The following ARHGEF26 variants were observed in gnomAD, a reference collection of about 807,000 sequenced individuals.
ARHGEF26 encodes the protein Rho guanine nucleotide exchange factor 26, also known as Rho guanine nucleotide exchange factor (GEF) 26.
Under a neutral mutation model 89.4 loss-of-function variants are expected in ARHGEF26, and 59 were observed. That is an observed-to-expected ratio of 0.66 (90% confidence interval 0.54 to 0.82). The LOEUF is 0.82. Ranked by LOEUF, ARHGEF26 falls within the 40% of genes least tolerant of loss-of-function variation. The pLI is 0.00. For synonymous variants in ARHGEF26, 500 were observed against 428.4 expected (o/e 1.17, Z -2.06); for missense variants, 1,234 against 1,085.6 (o/e 1.14, Z -1.92).
intron 6 of ARHGEF26, among the ~76,000 whole-genome samples, chr3:154,164,590 A>T (rs2108124713): frequency 6.6e-6 from 1 of 152,262 alleles, no homozygotes; most frequent in Admixed American, 6.5e-5. Context: ...GGGGATTCAA[A>T]CAAAGGTCCC....
intron 4 of ARHGEF26, among the ~76,000 whole-genome samples, chr3:154,136,414 C>T (rs893929210): frequency 6.6e-6 from 1 of 152,116 alleles, no homozygotes; most frequent in African/African-American, 2.4e-5. Flanking sequence ...GTTCTGGGCT[C>T]AGCTCTTAAA....
Position 154,219,721 on chromosome 3 carries a change from G to T in ARHGEF26, c.1935+1763G>T, listed in dbSNP as rs564423292. On this transcript the variant is annotated intron_variant, in intron 10 of 14. Transcript: ENST00000465093. ...GAGGTCAGGAGATCGAGACCATCCT[G>T]GCTAACACAGTGAAACCCCTTTTCT... 9.1e-4 allele frequency among the ~76,000 whole-genome samples: 139 copies of T among 151,936 alleles called. 5 individuals are homozygous for T. The South Asian group carries it at 0.028, about 31-fold the overall frequency.
chr3:154,194,606 T>A, intron 8 of ARHGEF26, 38 bp from the exon 9 acceptor site: 1 of 1,440,782 alleles, frequency 6.9e-7, no homozygotes, highest in South Asian at 1.2e-5. Flanking sequence ...CTTAATAAAA[T>A]AGATCAATAA....
rs769136924 is a variant in ARHGEF26, at chr3:154,240,588, A to G, written c.2300+9A>G. 2.7e-5 allele frequency: 43 copies of G among 1,595,706 alleles called. No homozygotes were observed. Among genetic ancestry groups the G allele is most frequent in the Non-Finnish European group, 3.5e-5 (41 of 1,170,692 alleles). ...CTAGGAGCTGAGACGCAGTAAGTAT[A>G]TGTGGGGAAAAGATTGGAATAGCTG... is the stretch of plus-strand genomic sequence containing the variant. On this transcript the variant is annotated intron_variant, in intron 12 of 14. Coordinates refer to ENST00000465093, the MANE Select transcript of ARHGEF26 (RefSeq NM_015595.4).
chr3:154,207,253 A>T (rs978955968), intron 9 of ARHGEF26, among the ~76,000 whole-genome samples: 9 of 152,202 alleles, frequency 5.9e-5, no homozygotes, highest in Admixed American at 5.9e-4. Flanking sequence ...AAATTGACAA[A>T]TGAGATCTAA....
At chr3:154,196,422 T>TCC (rs1467517330) in intron 9 of ARHGEF26, among the ~76,000 whole-genome samples, 1 of 152,114 alleles carries the variant, frequency 6.6e-6, no homozygotes, top group Non-Finnish European at 1.5e-5. Context: ...CCTAAATGTC[T>TCC]CCAGTTACAT....
At chr3:154,178,981 A>G (rs1206022070) in intron 6 of ARHGEF26, among the ~76,000 whole-genome samples, 1 of 152,152 alleles carries the variant, frequency 6.6e-6, no homozygotes, top group African/African-American at 2.4e-5. Flanking sequence ...AAACTCTCTA[A>G]TAGGGCATTT....
intron 5 of ARHGEF26, 34 bp downstream of exon 5, chr3:154,149,479 T>C: frequency 6.3e-7 from 1 of 1,577,854 alleles, no homozygotes; most frequent in South Asian, 1.2e-5. Context: ...TTTAGAGCTC[T>C]GGAGTGTGCA....
chr3:154,257,520 A>G lies in ARHGEF26; in HGVS notation c.*2047A>G, dbSNP rs1052127326. 1 of 152,250 alleles carries G rather than the reference A, an allele frequency of 6.6e-6. No individual in the cohort carries two copies. The allele number at this position is 152,250 out of a possible 1,614,324, so 9.4% of individuals were successfully genotyped here. ...GCAACTATTTGAATCCTGTGAATTA[A>G]TTTATAAGAATGTTAAACAGCTTTG... On this transcript the variant is annotated 3_prime_UTR_variant, in exon 15 of 15. Coordinates refer to ENST00000465093, the MANE Select transcript of ARHGEF26 (RefSeq NM_015595.4).
chr3:154,209,257 T>A (rs1257604968), intron 9 of ARHGEF26, among the ~76,000 whole-genome samples: 4 of 152,188 alleles, frequency 2.6e-5, no homozygotes, highest in Non-Finnish European at 4.4e-5. Context: ...CCAGGATTGG[T>A]CCCTGGTTCC....
At position 154,255,365 on chromosome 3, in the gene ARHGEF26, A is replaced by C; in HGVS notation, c.2508A>C (p.Glu836Asp). 6.2e-7 allele frequency: 1 copy of C among 1,613,654 alleles called. No homozygotes were observed. Among genetic ancestry groups the C allele is most frequent in the Non-Finnish European group, 8.5e-7 (1 of 1,179,834 alleles). The part of the protein sequence containing the change: ...WYEGERLRDG[E>D]RGWFPMECAK... Reference sequence around the variant, plus strand: ...AGGGGGAACGACTACGAGATGGAGAAAGAGGCTGGTTTCCTATGGAATGTG... The same window carrying C: ...AGGGGGAACGACTACGAGATGGAGACAGAGGCTGGTTTCCTATGGAATGTG... Residue 836 changes from glutamate to aspartate, a missense_variant, in exon 15 of 15, where the codon GAA becomes GAC. Transcript: ENST00000465093.
chr3:154,194,616 A>C lies in ARHGEF26; in HGVS notation c.1771-28A>C, dbSNP rs763743277. On this transcript the variant is annotated intron_variant, in intron 8 of 14. Transcript: ENST00000465093. Reference sequence around the variant, plus strand: ...TTTTACTTAATAAAATAGATCAATAAATTTTGTTCACTTTTATTTCATTAC... The same window carrying C: ...TTTTACTTAATAAAATAGATCAATACATTTTGTTCACTTTTATTTCATTAC... 12 of 1,520,914 alleles carry C rather than the reference A, an allele frequency of 7.9e-6. No homozygotes were observed. The Admixed American group carries it at 1.8e-4, about 23-fold the overall frequency. The allele number at this position is 1,520,914 out of a possible 1,614,324, so 94.2% of individuals were successfully genotyped here. A position where few individuals can be genotyped will look rare whatever the true frequency, so the allele number is the denominator to read the frequency against.
chr3:154,246,793 A>G (rs1404720422), intron 12 of ARHGEF26, among the ~76,000 whole-genome samples: 1 of 152,212 alleles, frequency 6.6e-6, no homozygotes, highest in Non-Finnish European at 1.5e-5. Context: ...CAAAAACAAC[A>G]GGACCAACTG....
chr3:154,230,864 G>A (rs992576500), intron 11 of ARHGEF26, among the ~76,000 whole-genome samples: 8 of 151,928 alleles, frequency 5.3e-5, no homozygotes, highest in African/African-American at 1.9e-4. Context: ...ATAAGGTCAA[G>A]GACTTAAGTT....
At chr3:154,244,963 C>T (rs1717708959) in intron 12 of ARHGEF26, among the ~76,000 whole-genome samples, 1 of 152,148 alleles carries the variant, frequency 6.6e-6, no homozygotes, top group Non-Finnish European at 1.5e-5. Context: ...TCCAGGAAGT[C>T]AGTCGCTATT....
At chr3:154,124,873 T>C (rs1307711391) in intron 3 of ARHGEF26, among the ~76,000 whole-genome samples, 1 of 152,190 alleles carries the variant, frequency 6.6e-6, no homozygotes, top group Non-Finnish European at 1.5e-5. Context: ...TCTGACTTCC[T>C]GTTTCCTTAT....
At position 154,217,906 on chromosome 3, in the gene ARHGEF26, A is replaced by G; in HGVS notation, c.1883A>G (p.Glu628Gly). ...TGCAATGAGGGCGCCCGGAAGATGGAAAGGACTGAGATGATGTACACAATT... is the reference window on the plus strand; with the variant it reads ...TGCAATGAGGGCGCCCGGAAGATGGGAAGGACTGAGATGATGTACACAATT... ...RLCNEGARKM[E>G]RTEMMYTINS... Residue 628 changes from glutamate to glycine, a missense_variant, in exon 10 of 15, where the codon GAA (glutamate) becomes GGA (glycine). Physicochemically the swap from Glu to Gly is moderately conservative, Grantham distance 98. Coordinates refer to ENST00000465093, the MANE Select transcript of ARHGEF26 (RefSeq NM_015595.4). 6.2e-7 allele frequency: 1 copy of G among 1,603,130 alleles called. No homozygotes were observed.
chr3:154,189,853 T>C (rs1005821680), intron 7 of ARHGEF26, among the ~76,000 whole-genome samples: 2 of 151,838 alleles, frequency 1.3e-5, no homozygotes, highest in African/African-American at 4.8e-5. Context: ...TTTAACTTTC[T>C]AAAAATCTTG....
At chr3:154,173,361 T>C (rs1329221867) in intron 6 of ARHGEF26, among the ~76,000 whole-genome samples, 1 of 152,224 alleles carries the variant, frequency 6.6e-6, no homozygotes, top group Non-Finnish European at 1.5e-5. Flanking sequence ...CAATTTTAAT[T>C]CACCAAGATT....
Sources: gnomAD v4.1 joint callset for allele counts (sites outside exome capture counted in the v4.1 genomes callset) on GRCh38, gnomAD v4.1.1 for gene constraint, MANE v1.5 for transcripts, NCBI Gene and HGNC (gene_info 2026-07-23, HGNC 2026-07-21) for gene names.